RPTOR: variants seen among roughly 807,000 people sequenced by gnomAD.
RPTOR encodes regulatory-associated protein of mTOR.
Under a neutral mutation model 169.9 loss-of-function variants are expected in RPTOR, and 21 were observed. That is an observed-to-expected ratio of 0.12 (90% CI 0.09 to 0.18). The LOEUF (loss-of-function observed/expected upper bound fraction) is 0.18. Among genes scored for constraint, RPTOR ranks in the 10% least tolerant of loss-of-function variants. The pLI is 1.00. For synonymous variants in RPTOR, 732 were observed against 753.2 expected, an observed-to-expected ratio of 0.97 and a Z score of 0.46; for missense variants, 1,133 against 1,855.9, an observed-to-expected ratio of 0.61 and a Z score of 7.16.
chr17:80,553,488 C>A (rs915296680), intron 1 of RPTOR, among the ~76,000 whole-genome samples: 1 of 152,172 alleles, frequency 6.6e-6, no homozygotes, highest in African/African-American at 2.4e-5. Context: ...TTGTATCTGC[C>A]GCTGTGAGCC....
At chr17:80,819,637 C>T (rs777684038) in intron 7 of RPTOR, among the ~76,000 whole-genome samples, 11 of 152,168 alleles carry the variant, frequency 7.2e-5, no homozygotes, top group Non-Finnish European at 1.3e-4. Context: ...TAGATTTTTC[C>T]GACTTTTACA....
At position 80,960,793 on chromosome 17, in the gene RPTOR, G is replaced by C. The variant is rs2069327659; in HGVS notation, c.3605+588G>C. On this transcript the variant is annotated intron_variant, in intron 30 of 33. Coordinates refer to ENST00000306801, the MANE Select transcript of RPTOR (RefSeq NM_020761.3). This position sits in a 1 kb window ranked among gnomAD's most constrained non-coding sequence, Gnocchi z 4.8. ...CTGTCCATGTCTGGCAGGGGACAGG[G>C]CACACGCGTGGGCACAGCAGCCCCG... 3.1e-5 allele frequency: 5 copies of C among 162,666 alleles called. No individual in the cohort carries two copies. In the South Asian group the frequency reaches 8.1e-4, roughly 26 times the overall value. The allele number at this position is 162,666 out of a possible 1,614,324, so 10.1% of individuals were successfully genotyped here. A position where few individuals can be genotyped will look rare whatever the true frequency, so the allele number is the denominator to read the frequency against.
rs113562094 is a variant in RPTOR, at chr17:80,885,190, T to C, written c.1983+42T>C. On this transcript the variant is annotated intron_variant, in intron 17 of 33. Transcript: ENST00000306801. ...CCCGGCAGCAGCAGGGCACCCAGGCTGGACCCCGTGACACCTGGGGCCAAG... is the reference window on the plus strand; with the variant it reads ...CCCGGCAGCAGCAGGGCACCCAGGCCGGACCCCGTGACACCTGGGGCCAAG... 3.3e-3 allele frequency: 5,097 copies of C among 1,542,082 alleles called. 146 individuals carry two copies. In the African/African-American group the frequency reaches 0.059, roughly 18 times the overall value.
intron 24 of RPTOR, among the ~76,000 whole-genome samples, chr17:80,927,797 T>C (rs2068830822): frequency 6.6e-6 from 1 of 151,604 alleles, no homozygotes; most frequent in Admixed American, 6.6e-5. Flanking sequence ...GCGTCTCCTC[T>C]CCCTTTCTTC....
chr17:80,838,771 T>A (rs979578468), intron 10 of RPTOR, among the ~76,000 whole-genome samples: 2 of 152,144 alleles, frequency 1.3e-5, no homozygotes, highest in Admixed American at 6.5e-5. Context: ...GGGCCACACC[T>A]GAGACACCAC....
chr17:80,630,525 C>T (rs1024662358), intron 2 of RPTOR, among the ~76,000 whole-genome samples: 1 of 152,218 alleles, frequency 6.6e-6, no homozygotes, highest in South Asian at 2.1e-4. Context: ...TCTTCTTTCT[C>T]AGGAAAACCT....
intron 6 of RPTOR, among the ~76,000 whole-genome samples, chr17:80,777,577 G>A (rs910641333): frequency 5.3e-5 from 8 of 151,792 alleles, no homozygotes; most frequent in Non-Finnish European, 1.2e-4. Context: ...GTCCTTTGAG[G>A]TGGGAAAGTT....
intron 5 of RPTOR, among the ~76,000 whole-genome samples, chr17:80,737,180 T>C (rs1452071440): frequency 2.6e-5 from 4 of 152,214 alleles, no homozygotes; most frequent in African/African-American, 9.7e-5. Flanking sequence ...TGTGGTGATT[T>C]TATTGTTTGT....
rs1166123760 is a variant in RPTOR at position 80,730,475 on chromosome 17, G to A, written c.508-85G>A. 1.2e-5 allele frequency: 18 copies of A among 1,471,014 alleles called. No homozygotes were observed. Among genetic ancestry groups the A allele is most frequent in the Non-Finnish European group, 1.5e-5 (16 of 1,061,082 alleles). The allele number at this position is 1,471,014 out of a possible 1,614,324, so 91.1% of individuals were successfully genotyped here. Reference sequence around the variant, plus strand: ...TCTCCAGCCACCAGGCTCAATGTGTGTGCCTTTTGTAACGGTGCAGTACTC... The same window carrying A: ...TCTCCAGCCACCAGGCTCAATGTGTATGCCTTTTGTAACGGTGCAGTACTC... On this transcript the variant is annotated intron_variant, in intron 4 of 33. Transcript: ENST00000306801. This position sits in a 1 kb window ranked among gnomAD's most constrained non-coding sequence, Gnocchi z 4.2.
At chr17:80,565,794 T>A (rs7210150) in intron 1 of RPTOR, among the ~76,000 whole-genome samples, 97,282 of 152,192 alleles carry the variant, frequency 0.64, 31,563 homozygotes, top group Middle Eastern at 0.72. Context: ...CCTAGCAGGC[T>A]TATTTTGTTA....
At chr17:80,700,613 ATGG>A (rs1293507761) in intron 3 of RPTOR, among the ~76,000 whole-genome samples, 31 of 128,658 alleles carry the variant, frequency 2.4e-4, no homozygotes, top group African/African-American at 3.6e-4. Flanking sequence ...GATGATGGTG[ATGG>A]TGGTGGTGGT....
chr17:80,677,799 A>T (rs1349172880), intron 3 of RPTOR, among the ~76,000 whole-genome samples: 4 of 152,116 alleles, frequency 2.6e-5, no homozygotes, highest in African/African-American at 9.7e-5. Flanking sequence ...CTACTCCTTT[A>T]TTCTTTCACA....
intron 6 of RPTOR, among the ~76,000 whole-genome samples, chr17:80,757,959 G>A (rs546821427): frequency 6.6e-6 from 1 of 152,130 alleles, no homozygotes; most frequent in African/African-American, 2.4e-5. Context: ...CCCATTTCAC[G>A]TTACCCCAGG....
intron 3 of RPTOR, among the ~76,000 whole-genome samples, chr17:80,644,183 T>G (rs1370786057): frequency 2.0e-5 from 3 of 152,244 alleles, no homozygotes; most frequent in Non-Finnish European, 4.4e-5. Flanking sequence ...TCCGCGTGTC[T>G]TCAGTTTTCA....
At chr17:80,833,271 G>C (rs1202000080) in intron 9 of RPTOR, among the ~76,000 whole-genome samples, 1 of 152,210 alleles carries the variant, frequency 6.6e-6, no homozygotes, top group Non-Finnish European at 1.5e-5. Context: ...TGACTCATCA[G>C]AACAGCCAAC....
chr17:80,644,304 T>TG (rs1285121120), intron 3 of RPTOR, among the ~76,000 whole-genome samples: 3 of 96,712 alleles, frequency 3.1e-5, no homozygotes, highest in Non-Finnish European at 6.1e-5. Flanking sequence ...AATTAGTGTG[T>TG]GGGTTTTTTT....
intron 5 of RPTOR, among the ~76,000 whole-genome samples, chr17:80,740,111 A>G (rs1264230962): frequency 6.6e-6 from 1 of 152,212 alleles, no homozygotes; most frequent in Admixed American, 6.5e-5. Context: ...ATAATAATGA[A>G]CAACTTTACA....
rs2065597563 is a variant in RPTOR at position 80,646,539 on chromosome 17, G to T, written c.348+2729G>T. 6.6e-6 allele frequency among the ~76,000 whole-genome samples: 1 copy of T among 152,176 alleles called. No individual in the cohort carries two copies. Among genetic ancestry groups the T allele is most frequent in the Non-Finnish European group, 1.5e-5 (1 of 68,034 alleles). On this transcript the variant is annotated intron_variant, in intron 3 of 33. Coordinates refer to ENST00000306801, the MANE Select transcript of RPTOR (RefSeq NM_020761.3). This position sits in a 1 kb window ranked among gnomAD's most constrained non-coding sequence, Gnocchi z 5.0. ...GTTTGCATGAAACAGGAGGCACTTA[G>T]CAAACTCAGATGTTTGTGTGCAAGG...
At chr17:80,751,799 A>G (rs2066632926) in intron 5 of RPTOR, among the ~76,000 whole-genome samples, 1 of 152,172 alleles carries the variant, frequency 6.6e-6, no homozygotes, top group Admixed American at 6.5e-5. Context: ...ATCTGGGACG[A>G]CCAGTCTCTG....
Sources: gnomAD v4.1 joint callset for allele counts (sites outside exome capture counted in the v4.1 genomes callset) on GRCh38, gnomAD v4.1.1 for gene constraint, Gnocchi (gnomAD v3.1) non-coding constraint, MANE v1.5 for transcripts, NCBI Gene and HGNC (gene_info 2026-07-23, HGNC 2026-07-21) for gene names.